The following GNA12 variants were observed in gnomAD, a reference collection of about 807,000 sequenced individuals.
GNA12 encodes the protein G protein subunit alpha 12.
GNA12 carries 9 observed loss-of-function variants against 26.0 expected under a neutral mutation model. The ratio of observed to expected loss-of-function variants is 0.35; its 90% CI spans 0.21 to 0.60. GNA12 has a LOEUF of 0.60. GNA12 is among the 20% of genes least tolerant of loss of function. The pLI, the probability that GNA12 is intolerant of heterozygous loss-of-function variation, is 0.78. For synonymous variants in GNA12, 264 were observed against 219.6 expected (o/e 1.20, Z -1.79); for missense variants, 405 against 525.8 (o/e 0.77, Z 2.25).
At chr7:2,757,036 T>C (rs1791331330) in intron 2 of GNA12, among the ~76,000 whole-genome samples, 2 of 149,928 alleles carry the variant, frequency 1.3e-5, no homozygotes, top group South Asian at 4.2e-4. Flanking sequence ...ATTGTGCCAG[T>C]GGCACTCCAG....
chr7:2,820,454 A>G (rs1302579445), intron 1 of GNA12, among the ~76,000 whole-genome samples: 1 of 147,484 alleles, frequency 6.8e-6, no homozygotes, highest in Non-Finnish European at 1.5e-5. Context: ...CATGCCTGTA[A>G]TCCCAGCACT....
chr7:2,785,187 C>G (rs1792328144), intron 2 of GNA12, among the ~76,000 whole-genome samples: 1 of 152,192 alleles, frequency 6.6e-6, no homozygotes, highest in Admixed American at 6.5e-5. Context: ...TCTGTATCCT[C>G]AGGCAAGAGC....
chr7:2,837,011 G>A (rs933475782), intron 1 of GNA12, among the ~76,000 whole-genome samples: 9 of 152,198 alleles, frequency 5.9e-5, no homozygotes, highest in African/African-American at 2.2e-4. Context: ...AATTGAGGGG[G>A]AAATTGATCT....
chr7:2,797,737 G>A (rs186775160), intron 1 of GNA12, among the ~76,000 whole-genome samples: 58 of 152,188 alleles, frequency 3.8e-4, no homozygotes, highest in African/African-American at 1.3e-3. Context: ...TGACCAGGAC[G>A]GTCTGGTTAG....
At chr7:2,788,401 G>C (rs114442099) in intron 2 of GNA12, among the ~76,000 whole-genome samples, 18 of 152,162 alleles carry the variant, frequency 1.2e-4, no homozygotes, top group African/African-American at 4.3e-4. Flanking sequence ...TAAAAGAAGA[G>C]GGGAGCTCTC....
At chr7:2,734,268 C>T (rs780879613) in intron 2 of GNA12, among the ~76,000 whole-genome samples, 14 of 152,156 alleles carry the variant, frequency 9.2e-5, no homozygotes, top group Non-Finnish European at 1.6e-4. Flanking sequence ...CAGAGCAGCC[C>T]GCATATGAAC....
At chr7:2,815,836 T>A (rs1174953591) in intron 1 of GNA12, among the ~76,000 whole-genome samples, 2 of 152,238 alleles carry the variant, frequency 1.3e-5, no homozygotes, top group African/African-American at 4.8e-5. Context: ...CCCAGAGACA[T>A]TTCCCATCAC....
intron 2 of GNA12, among the ~76,000 whole-genome samples, chr7:2,740,037 C>T (rs1025667044): frequency 6.6e-6 from 1 of 152,170 alleles, no homozygotes; most frequent in Non-Finnish European, 1.5e-5. Flanking sequence ...GGCGGCTGCA[C>T]AAGTTTACAT....
chr7:2,822,229 T>TA (rs1793385713), intron 1 of GNA12, among the ~76,000 whole-genome samples: 1 of 152,246 alleles, frequency 6.6e-6, no homozygotes, highest in African/African-American at 2.4e-5. Context: ...TTCGTACGTT[T>TA]TCAACCATAC....
At chr7:2,842,562 T>C (rs376953845) in intron 1 of GNA12, among the ~76,000 whole-genome samples, 1 of 152,176 alleles carries the variant, frequency 6.6e-6, no homozygotes, top group African/African-American at 2.4e-5. Flanking sequence ...CTTCCCAAAG[T>C]GCAGGGATTA....
intron 2 of GNA12, among the ~76,000 whole-genome samples, chr7:2,789,166 C>T (rs1221875574): frequency 3.9e-5 from 3 of 77,332 alleles, no homozygotes; most frequent in Non-Finnish European, 5.1e-5. Context: ...GACGGAGTCT[C>T]GCTCTGTCGC....
chr7:2,807,054 T>C (rs1040058930), intron 1 of GNA12, among the ~76,000 whole-genome samples: 2 of 152,228 alleles, frequency 1.3e-5, no homozygotes, highest in African/African-American at 4.8e-5. Flanking sequence ...TTCCCCCAAA[T>C]TGTTTTTTAG....
chr7:2,813,289 G>A (rs1365966484), intron 1 of GNA12, among the ~76,000 whole-genome samples: 1 of 152,180 alleles, frequency 6.6e-6, no homozygotes, highest in Non-Finnish European at 1.5e-5. Flanking sequence ...TATGAGCTTT[G>A]AGGAAACCGG....
intron 1 of GNA12, among the ~76,000 whole-genome samples, chr7:2,801,000 A>G (rs2115466497): frequency 6.6e-6 from 1 of 152,274 alleles, no homozygotes; most frequent in South Asian, 2.1e-4. Flanking sequence ...CTATCTCGGC[A>G]CGGAGAAGGT....
At chr7:2,801,920 G>A (rs1562435941) in intron 1 of GNA12, among the ~76,000 whole-genome samples, 1 of 152,022 alleles carries the variant, frequency 6.6e-6, no homozygotes, top group African/African-American at 2.4e-5. Flanking sequence ...TGTATTTACC[G>A]TACTTTTGCA....
rs1463000059 is a variant in GNA12 at position 2,844,267 on chromosome 7, G to A, written c.-106C>T. On this transcript the variant is annotated 5_prime_UTR_variant, in exon 1 of 4. Transcript: ENST00000275364. ...GGCACCGCCCCACGCCCCGCCGCTC[G>A]CCTCAGGCCGCGTCCGCCGCCGCCG... The A allele has an allele frequency of 6.3e-6, 3 of 473,130 alleles. No individual in the cohort carries two copies. The highest frequency in any genetic ancestry group is 2.1e-5 in the African/African-American group (1 of 47,096). 29.3% of individuals were successfully genotyped at this position (473,130 alleles called of 1,614,324 possible). A position where few individuals can be genotyped will look rare whatever the true frequency, so the allele number is the denominator to read the frequency against.
intron 2 of GNA12, among the ~76,000 whole-genome samples, chr7:2,781,328 A>G (rs1467000210): frequency 6.6e-6 from 1 of 152,098 alleles, no homozygotes; most frequent in African/African-American, 2.4e-5. Flanking sequence ...ATGTGTATAT[A>G]CATACACACA....
chr7:2,837,088 A>C (rs1488508400), intron 1 of GNA12, among the ~76,000 whole-genome samples: 1 of 152,224 alleles, frequency 6.6e-6, no homozygotes, highest in East Asian at 1.9e-4. Context: ...AGGGCCAAGC[A>C]GGGATCTCAC....
intron 1 of GNA12, among the ~76,000 whole-genome samples, chr7:2,810,859 T>C (rs899562792): frequency 1.3e-5 from 2 of 151,748 alleles, no homozygotes; most frequent in Non-Finnish European, 2.9e-5. Flanking sequence ...GATTACGCCA[T>C]TGCATTCCAG....
Sources: gnomAD v4.1 joint callset for allele counts (sites outside exome capture counted in the v4.1 genomes callset) on GRCh38, gnomAD v4.1.1 for gene constraint, MANE v1.5 for transcripts, NCBI Gene and HGNC (gene_info 2026-07-23, HGNC 2026-07-21) for gene names.